KYAT1: variants seen among roughly 807,000 people sequenced by gnomAD.
The protein encoded by KYAT1 is kynurenine aminotransferase 1, also known as kynurenine--oxoglutarate transaminase 1.
In KYAT1, 47 loss-of-function variants were observed where a neutral mutation model predicts 52.4. The observed-to-expected ratio is 0.90, with a 90% CI of 0.71 to 1.14. The LOEUF is 1.14. Among genes scored for constraint, KYAT1 ranks in the 50% most tolerant of loss-of-function variants. The pLI is 0.00. For synonymous variants in KYAT1, 212 were observed against 209.6 expected, an observed-to-expected ratio of 1.01 and a Z score of -0.10; for missense variants, 480 against 557.9, an observed-to-expected ratio of 0.86 and a Z score of 1.41.
intron 1 of KYAT1, among the ~76,000 whole-genome samples, chr9:128,858,305 G>A (rs1276226831): frequency 1.3e-5 from 2 of 148,270 alleles, no homozygotes; most frequent in East Asian, 4.0e-4. Flanking sequence ...GCTGAGGTAC[G>A]AGAATCGCTT....
intron 1 of KYAT1, among the ~76,000 whole-genome samples, chr9:128,872,933 G>A (rs1328720099): frequency 2.0e-5 from 3 of 151,146 alleles, no homozygotes; most frequent in Non-Finnish European, 2.9e-5. Flanking sequence ...AAAATTAGCC[G>A]GGCATGGTGG....
intron 8 of KYAT1, 61 bp from the exon 9 acceptor site, chr9:128,835,929 T>C: frequency 6.2e-7 from 1 of 1,603,346 alleles, no homozygotes; most frequent in South Asian, 1.1e-5. Context: ...GCCTTCTTCA[T>C]TCTCAGGCCC....
chr9:128,859,499 C>T (rs899685317), intron 1 of KYAT1, among the ~76,000 whole-genome samples: 3 of 151,994 alleles, frequency 2.0e-5, no homozygotes, highest in African/African-American at 7.2e-5. Flanking sequence ...GAAACCCCAT[C>T]TCTACTAAAA....
intron 1 of KYAT1, among the ~76,000 whole-genome samples, chr9:128,871,372 C>A (rs1189071515): frequency 6.6e-6 from 1 of 151,830 alleles, no homozygotes; most frequent in Non-Finnish European, 1.5e-5. Context: ...GGTTGAAGAA[C>A]AATATAACTC....
At chr9:128,858,970 G>A (rs1318362029) in intron 1 of KYAT1, among the ~76,000 whole-genome samples, 1 of 149,680 alleles carries the variant, frequency 6.7e-6, no homozygotes, top group Non-Finnish European at 1.5e-5. Context: ...CTCCAGCCTG[G>A]GTGACAGAAC....
chr9:128,860,373 G>T (rs561114039), intron 1 of KYAT1: 1 of 152,190 alleles, frequency 6.6e-6, no homozygotes, highest in Admixed American at 6.5e-5. Context: ...ACACATCCAC[G>T]CTGCCAGACA....
chr9:128,874,385 C>T (rs1341509323), intron 1 of KYAT1, among the ~76,000 whole-genome samples: 1 of 149,836 alleles, frequency 6.7e-6, no homozygotes, highest in Non-Finnish European at 1.5e-5. Context: ...GATCTCGGCT[C>T]ACTGCAGCCT....
At chr9:128,872,366 C>A (rs1588153169) in intron 1 of KYAT1, among the ~76,000 whole-genome samples, 1 of 151,826 alleles carries the variant, frequency 6.6e-6, no homozygotes, top group East Asian at 1.9e-4. Context: ...ATGGCATGAA[C>A]CTGGGAGGTG....
At chr9:128,866,161 C>CAATCTAATCAAGGAGACAAACAAGT (rs1368274928) in intron 1 of KYAT1, among the ~76,000 whole-genome samples, 1 of 152,104 alleles carries the variant, frequency 6.6e-6, no homozygotes, top group Non-Finnish European at 1.5e-5. Flanking sequence ...AAGGAGCGCA[C>CAATCTAATCAAGGAGACAAACAAGT]AATCTAATCA....
At chr9:128,843,099 G>A (rs1033695803) in intron 2 of KYAT1, among the ~76,000 whole-genome samples, 4 of 152,032 alleles carry the variant, frequency 2.6e-5, no homozygotes, top group Non-Finnish European at 4.4e-5. Context: ...CCCGGGAACC[G>A]GAGGTTGAAG....
chr9:128,881,217 A>G (rs1245940165), intron 1 of KYAT1, among the ~76,000 whole-genome samples: 1 of 152,002 alleles, frequency 6.6e-6, no homozygotes, highest in Non-Finnish European at 1.5e-5. Context: ...AGTAGCTGGG[A>G]CTACAGGCGC....
intron 1 of KYAT1, among the ~76,000 whole-genome samples, chr9:128,847,866 T>C (rs573065487): frequency 6.6e-6 from 1 of 152,244 alleles, no homozygotes; most frequent in Non-Finnish European, 1.5e-5. Context: ...TAGCCCTGAA[T>C]ATCACCAAGA....
At chr9:128,877,172 A>G (rs898467434) in intron 1 of KYAT1, among the ~76,000 whole-genome samples, 3 of 152,184 alleles carry the variant, frequency 2.0e-5, no homozygotes, top group African/African-American at 7.2e-5. Flanking sequence ...TGCTGGAATT[A>G]CAGGTGTGAA....
chr9:128,840,950 T>G (rs1395986169), intron 3 of KYAT1, among the ~76,000 whole-genome samples: 1 of 152,262 alleles, frequency 6.6e-6, no homozygotes, highest in African/African-American at 2.4e-5. Flanking sequence ...TATACAAAGA[T>G]GTCCACACAG....
chr9:128,856,348 C>G (rs1193439168), intron 1 of KYAT1, among the ~76,000 whole-genome samples: 2 of 152,192 alleles, frequency 1.3e-5, no homozygotes, highest in African/African-American at 4.8e-5. Flanking sequence ...TGTCTGTTCT[C>G]TGTTGCTGGT....
chr9:128,845,577 C>A, intron 1 of KYAT1, 166 bp from the exon 2 acceptor site: 1 of 648,380 alleles, frequency 1.5e-6, no homozygotes, highest in Admixed American at 2.5e-5. Context: ...GCCTGCCTCC[C>A]AAGCCTGTTA....
chr9:128,841,694 CAAAAAAAA>C (rs71383615), intron 3 of KYAT1, among the ~76,000 whole-genome samples: 1 of 105,874 alleles, frequency 9.4e-6, no homozygotes, highest in Non-Finnish European at 1.8e-5. Context: ...GACTCCATCT[CAAAAAAAA>C]AAAAAAAAAA....
rs942686214 is a variant in KYAT1, at chr9:128,868,800, G to A, written c.-7+13097C>T. Reference sequence around the variant, plus strand: ...GGCTCACTACAACCTCTGCCTCTGGGATTCAAGCGATTCTCCTGCCTCAGC... The same window carrying A: ...GGCTCACTACAACCTCTGCCTCTGGAATTCAAGCGATTCTCCTGCCTCAGC... On this transcript the variant is annotated intron_variant, in intron 1 of 12. Transcript: ENST00000302586. 4.6e-5 allele frequency among the ~76,000 whole-genome samples: 7 copies of A among 151,730 alleles called. No homozygotes were observed. In the East Asian group the frequency reaches 9.8e-4, roughly 21 times the overall value.
At chr9:128,863,088 A>G (rs1422839430) in intron 1 of KYAT1, among the ~76,000 whole-genome samples, 1 of 151,808 alleles carries the variant, frequency 6.6e-6, no homozygotes, top group Non-Finnish European at 1.5e-5. Context: ...CGGCCTCCCA[A>G]AGTGCTGAGA....
Sources: allele counts gnomAD v4.1 joint callset (sites outside exome capture counted in the v4.1 genomes callset), GRCh38; gene constraint gnomAD v4.1.1; transcripts MANE v1.5; gene names NCBI Gene and HGNC (gene_info 2026-07-23, HGNC 2026-07-21).